Variants in NDUFA10 observed in about 807,000 individuals in gnomAD.
The protein encoded by NDUFA10 is NADH dehydrogenase [ubiquinone] 1 alpha subcomplex subunit 10, mitochondrial.
Under a neutral mutation model 47.8 loss-of-function variants are expected in NDUFA10, and 40 were observed. The observed-to-expected ratio is 0.84, with a 90% CI of 0.65 to 1.09. NDUFA10 has a LOEUF of 1.09. NDUFA10 is among the 50% of genes least tolerant of loss of function. NDUFA10 has a pLI of 0.00. For missense variants in NDUFA10, 413 were observed against 451.1 expected, an observed-to-expected ratio of 0.92 and a Z score of 0.76; for synonymous variants, 183 against 172.2, an observed-to-expected ratio of 1.06 and a Z score of -0.49.
chr2:239,991,219 C>G (rs1696231688), intron 8 of NDUFA10, among the ~76,000 whole-genome samples: 1 of 152,144 alleles, frequency 6.6e-6, no homozygotes, highest in South Asian at 2.1e-4. Flanking sequence ...AGCCACAGAG[C>G]TGCGAACCTG....
rs1696183868 is a variant in NDUFA10, at chr2:239,990,147, C to T, written c.926G>A (p.Ser309Asn). ...GACTTCCGGGAGAAAGATAGGAATGCTTGTGTAATTCAGCACCTCAAACTT... is the reference window on the plus strand; with the variant it reads ...GACTTCCGGGAGAAAGATAGGAATGTTTGTGTAATTCAGCACCTCAAACTT... ...QDKFEVLNYT[S>N]IPIFLPEVTI... The change falls in exon 9 of 10, where the codon AGC becomes AAC. Residue 309 changes from serine (S) to asparagine (N), a missense_variant. Coordinates refer to ENST00000252711, the MANE Select transcript of NDUFA10 (RefSeq NM_004544.4). 6.2e-7 allele frequency: 1 copy of T among 1,613,822 alleles called. No homozygotes were observed. The highest frequency in any genetic ancestry group is 1.3e-5 in the African/African-American group (1 of 74,918).
At chr2:239,981,691 T>C (rs1429142164) in intron 9 of NDUFA10, among the ~76,000 whole-genome samples, 2 of 152,192 alleles carry the variant, frequency 1.3e-5, no homozygotes, top group Non-Finnish European at 2.9e-5. Context: ...ACAAGGACAA[T>C]ACCCATCATA....
chr2:239,940,815 T>C (rs4524152), intron 4 of NDUFA10, among the ~76,000 whole-genome samples: 120,493 of 151,806 alleles, frequency 0.79, 47,931 homozygotes, highest in Admixed American at 0.84. Flanking sequence ...ATTTCCACTA[T>C]ACAGCACAGA....
chr2:240,022,266 G>A lies in NDUFA10; in HGVS notation c.150C>T (p.Ser50=). Residue 50 remains serine (S), a synonymous_variant, in exon 2 of 10, where the codon AGC becomes AGT. Transcript: ENST00000252711. The part of the protein sequence containing the change: ...MWHFLLGDKA[S]KRLTERSRVI... The stretch of plus-strand genomic sequence containing the variant: ...CTCTGCTGCGTTCTGTCAGTCTTTT[G>A]CTTGCTTTATCCCCAAGTAGGAAAT... 6.2e-7 allele frequency: 1 copy of A among 1,613,972 alleles called. No homozygotes were observed. Among genetic ancestry groups the A allele is most frequent in the Non-Finnish European group, 8.5e-7 (1 of 1,180,010 alleles).
chr2:239,980,346 T>G (rs552522215), intron 9 of NDUFA10, among the ~76,000 whole-genome samples: 5 of 152,204 alleles, frequency 3.3e-5, no homozygotes, highest in Non-Finnish European at 7.3e-5. Flanking sequence ...TCATTCCTAC[T>G]ACCTTAGCAC....
At chr2:239,910,555 G>A (rs1031952475) in intron 4 of NDUFA10, among the ~76,000 whole-genome samples, 1 of 152,062 alleles carries the variant, frequency 6.6e-6, no homozygotes, top group Non-Finnish European at 1.5e-5. Flanking sequence ...ACACACTGGG[G>A]CCTGCTGGGG....
intron 4 of NDUFA10, among the ~76,000 whole-genome samples, chr2:239,935,952 CTG>C (rs942610012): frequency 9.2e-5 from 14 of 152,220 alleles, no homozygotes; most frequent in African/African-American, 3.1e-4. Flanking sequence ...CACAGGGAAA[CTG>C]TTGTTTTCAG....
intron 4 of NDUFA10, among the ~76,000 whole-genome samples, chr2:239,904,531 G>C (rs1211080694): frequency 2.0e-5 from 3 of 152,166 alleles, no homozygotes; most frequent in Non-Finnish European, 4.4e-5. Context: ...CTGACCTCAA[G>C]CGATCTGCCT....
At chr2:239,940,817 CAG>C (rs1694349051) in intron 4 of NDUFA10, among the ~76,000 whole-genome samples, 2 of 151,740 alleles carry the variant, frequency 1.3e-5, no homozygotes, top group Non-Finnish European at 2.9e-5. Context: ...TTCCACTATA[CAG>C]CACAGAACAT....
chr2:239,922,530 T>C (rs1313306382), intron 4 of NDUFA10, among the ~76,000 whole-genome samples: 1 of 152,222 alleles, frequency 6.6e-6, no homozygotes, highest in African/African-American at 2.4e-5. Context: ...TGTGTTCCTC[T>C]AGACAGTACA....
rs189401818 is a variant in NDUFA10 at position 239,906,802 on chromosome 2, A to G, written c.295-11488T>C. ...GAATATTCCATGCTCATGGACAGGAAGAATCAATATTGTGAAAATGGCCAT... is the reference window on the plus strand; with the variant it reads ...GAATATTCCATGCTCATGGACAGGAGGAATCAATATTGTGAAAATGGCCAT... On this transcript the variant is annotated intron_variant, in intron 4 of 5. Coordinates refer to the NDUFA10 transcript ENST00000419408. This position sits in a 1 kb window ranked among gnomAD's most constrained non-coding sequence, Gnocchi z 4.3. 1.6e-3 allele frequency among the ~76,000 whole-genome samples: 243 copies of G among 152,344 alleles called. No homozygotes were observed. Among genetic ancestry groups the G allele is most frequent in the African/African-American group, 5.5e-3 (230 of 41,578 alleles).
chr2:240,019,994 G>A (rs899756334), intron 3 of NDUFA10, among the ~76,000 whole-genome samples: 4 of 152,060 alleles, frequency 2.6e-5, no homozygotes, highest in South Asian at 2.1e-4. Flanking sequence ...CAGGGTTTAC[G>A]TTCATATAAG....
At chr2:240,005,682 A>G (rs953376462) in intron 7 of NDUFA10, among the ~76,000 whole-genome samples, 12 of 151,362 alleles carry the variant, frequency 7.9e-5, no homozygotes, top group African/African-American at 2.9e-4. Flanking sequence ...AATACATTAT[A>G]AGCTATGAAT....
chr2:239,979,504 C>A (rs1695682824), intron 9 of NDUFA10, among the ~76,000 whole-genome samples: 1 of 152,198 alleles, frequency 6.6e-6, no homozygotes, highest in South Asian at 2.1e-4. Flanking sequence ...CAGCAATAGT[C>A]TGCTTAATTT....
At chr2:240,018,756 C>T (rs953807000) in intron 3 of NDUFA10, 117 bp from the exon 4 acceptor site, 2 of 1,130,286 alleles carry the variant, frequency 1.8e-6, no homozygotes, top group Admixed American at 2.0e-5. Context: ...CATTTCCACA[C>T]CAAAATACTG....
intron 4 of NDUFA10, chr2:240,017,695 C>T (rs1697420439): frequency 9.2e-6 from 7 of 760,046 alleles, no homozygotes; most frequent in Admixed American, 2.1e-5. Flanking sequence ...GGAGGATCAG[C>T]CCCTATCAGA....
chr2:239,977,941 A>C (rs1344433222), intron 9 of NDUFA10, among the ~76,000 whole-genome samples: 1 of 152,168 alleles, frequency 6.6e-6, no homozygotes, highest in African/African-American at 2.4e-5. Flanking sequence ...ATGGGAGGAA[A>C]GAGCCCTCAC....
intron 4 of NDUFA10, among the ~76,000 whole-genome samples, chr2:240,017,207 T>C (rs1478423212): frequency 6.6e-6 from 1 of 152,092 alleles, no homozygotes; most frequent in East Asian, 1.9e-4. Flanking sequence ...CCTCCAGTGG[T>C]CCCTCACTAG....
chr2:240,022,479 T>C, intron 1 of NDUFA10, 139 bp from the exon 2 acceptor site: 2 of 1,316,646 alleles, frequency 1.5e-6, no homozygotes, highest in South Asian at 2.6e-5. Flanking sequence ...CCTATTAATT[T>C]GTTTAATTAT....
Sources: gnomAD v4.1 joint callset for allele counts (sites outside exome capture counted in the v4.1 genomes callset) on GRCh38, gnomAD v4.1.1 for gene constraint, Gnocchi (gnomAD v3.1) non-coding constraint, MANE v1.5 for transcripts, NCBI Gene and HGNC (gene_info 2026-07-23, HGNC 2026-07-21) for gene names.